UXS1: variants seen among roughly 807,000 people sequenced by gnomAD.
The protein encoded by UXS1 is UDP-glucuronic acid decarboxylase 1.
Under a neutral mutation model 62.6 loss-of-function variants are expected in UXS1, and 33 were observed. That is an observed-to-expected ratio of 0.53 (90% CI 0.40 to 0.70). The LOEUF (loss-of-function observed/expected upper bound fraction) is 0.70, where lower values mean the gene tolerates loss of function less well. Ranked by LOEUF, UXS1 falls within the 30% of genes least tolerant of loss-of-function variation. The pLI is 0.00. For missense variants in UXS1, 434 were observed against 556.3 expected, an observed-to-expected ratio of 0.78 and a Z score of 2.21; for synonymous variants, 213 against 206.8, an observed-to-expected ratio of 1.03 and a Z score of -0.26.
chr2:106,117,796 T>G (rs749536885), intron 9 of UXS1, among the ~76,000 whole-genome samples: 1 of 152,206 alleles, frequency 6.6e-6, no homozygotes, highest in Non-Finnish European at 1.5e-5. Flanking sequence ...GGGCCTGTCA[T>G]GCATACATCT....
chr2:106,138,360 G>A (rs1680831122), intron 6 of UXS1: 3 of 985,556 alleles, frequency 3.0e-6, no homozygotes, highest in Non-Finnish European at 3.6e-6. Context: ...CTCACTAGAC[G>A]ATGAGCTCAC....
intron 13 of UXS1, chr2:106,097,319 C>CCTCTCGGA (rs1233843045): frequency 1.9e-5 from 8 of 421,182 alleles, no homozygotes; most frequent in African/African-American, 1.6e-4. Context: ...TCTCGGAGGA[C>CCTCTCGGA]GGCAAAGGCT....
chr2:106,181,346 A>T (rs1684234727), intron 1 of UXS1, among the ~76,000 whole-genome samples: 1 of 152,168 alleles, frequency 6.6e-6, no homozygotes, highest in Non-Finnish European at 1.5e-5. Flanking sequence ...CTCCCTTCTC[A>T]GCAGGCTCCA....
chr2:106,103,307 T>C (rs994227225), intron 11 of UXS1, among the ~76,000 whole-genome samples: 1 of 152,234 alleles, frequency 6.6e-6, no homozygotes, highest in South Asian at 2.1e-4. Context: ...TGGTTTCCTT[T>C]TACCGCACAA....
chr2:106,100,193 C>T (rs1266114289), intron 12 of UXS1, among the ~76,000 whole-genome samples: 1 of 152,054 alleles, frequency 6.6e-6, no homozygotes, highest in Non-Finnish European at 1.5e-5. Flanking sequence ...AGAAGCAGAA[C>T]ATCTTGAATG....
intron 1 of UXS1, among the ~76,000 whole-genome samples, chr2:106,186,709 T>C (rs1684579938): frequency 1.3e-5 from 2 of 152,112 alleles, no homozygotes; most frequent in African/African-American, 2.4e-5. Flanking sequence ...TCCCAGCTAC[T>C]CAGGAGCCTG....
intron 7 of UXS1, among the ~76,000 whole-genome samples, chr2:106,126,462 A>C: frequency 6.6e-6 from 1 of 152,000 alleles, no homozygotes; most frequent in East Asian, 1.9e-4. Flanking sequence ...CTGCCCCCCC[A>C]CCAACAGCAG....
chr2:106,140,613 G>A (rs2104979236), intron 6 of UXS1, among the ~76,000 whole-genome samples: 1 of 139,964 alleles, frequency 7.1e-6, no homozygotes, highest in East Asian at 2.1e-4. Context: ...CAGGTAAAAG[G>A]CAGGTAATGG....
chr2:106,095,480 T>C (rs1676999510), intron 14 of UXS1, among the ~76,000 whole-genome samples: 1 of 152,212 alleles, frequency 6.6e-6, no homozygotes, highest in Non-Finnish European at 1.5e-5. Context: ...TATTCTAGGA[T>C]TCTACTCACT....
intron 5 of UXS1, among the ~76,000 whole-genome samples, chr2:106,153,657 T>C (rs1682208261): frequency 6.6e-6 from 1 of 151,914 alleles, no homozygotes; most frequent in African/African-American, 2.4e-5. Context: ...TTACAAGACA[T>C]GCAAAGAAAC....
rs1677110197 is a variant in UXS1 at position 106,096,401 on chromosome 2, GTGAGTA to G, written c.1146+311_1146+316del. ...ACAGTGTGAGTGTGTGGGAGACAGT[GTGAGTA>G]TATGTGTGTACAAGTGTTTGTATGG... On this transcript the variant is annotated intron_variant, in intron 14 of 14. Transcript: ENST00000283148. Among the ~76,000 whole-genome samples the G allele has an allele frequency of 2.0e-5, 3 of 152,206 alleles. No homozygotes were observed. In the South Asian group the frequency reaches 6.2e-4, roughly 32 times the overall value.
chr2:106,167,193 G>A (rs1274387945), intron 1 of UXS1, among the ~76,000 whole-genome samples: 7 of 152,212 alleles, frequency 4.6e-5, no homozygotes, highest in Non-Finnish European at 8.8e-5. Context: ...TTAAGTTACT[G>A]AGCAGGATTC....
intron 10 of UXS1, 97 bp downstream of exon 10, chr2:106,112,549 G>C: frequency 6.6e-7 from 1 of 1,513,742 alleles, no homozygotes; most frequent in Non-Finnish European, 8.9e-7. Flanking sequence ...CTTCAGAAGT[G>C]TCACTCCCTG....
chr2:106,175,676 G>C (rs887472196), intron 1 of UXS1, among the ~76,000 whole-genome samples: 1 of 152,178 alleles, frequency 6.6e-6, no homozygotes, highest in Non-Finnish European at 1.5e-5. Flanking sequence ...AGGCCAGACA[G>C]GTTGCCTGTG....
At chr2:106,103,300 T>C (rs1573399964) in intron 11 of UXS1, among the ~76,000 whole-genome samples, 1 of 152,212 alleles carries the variant, frequency 6.6e-6, no homozygotes, top group South Asian at 2.1e-4. Context: ...TCCTGACTGG[T>C]TTCCTTTTAC....
chr2:106,187,724 T>C (rs894040816), intron 1 of UXS1, among the ~76,000 whole-genome samples: 7 of 151,676 alleles, frequency 4.6e-5, no homozygotes, highest in African/African-American at 1.7e-4. Context: ...GATGTCACAA[T>C]GTCACAACTG....
intron 1 of UXS1, among the ~76,000 whole-genome samples, chr2:106,176,541 G>C (rs776007389): frequency 9.8e-5 from 15 of 152,310 alleles, no homozygotes; most frequent in Non-Finnish European, 1.8e-4. Context: ...TCAAAGGTCA[G>C]GCATCATGAT....
At chr2:106,167,195 G>A (rs1321534190) in intron 1 of UXS1, among the ~76,000 whole-genome samples, 1 of 152,190 alleles carries the variant, frequency 6.6e-6, no homozygotes, top group Non-Finnish European at 1.5e-5. Flanking sequence ...AAGTTACTGA[G>A]CAGGATTCTT....
intron 10 of UXS1, among the ~76,000 whole-genome samples, chr2:106,110,998 C>A (rs1467381340): frequency 1.3e-5 from 2 of 152,098 alleles, no homozygotes; most frequent in South Asian, 4.2e-4. Context: ...GCAAGGAAGC[C>A]CGGCCTGAGG....
Sources: allele counts gnomAD v4.1 joint callset (sites outside exome capture counted in the v4.1 genomes callset), GRCh38; gene constraint gnomAD v4.1.1; transcripts MANE v1.5; gene names NCBI Gene and HGNC (gene_info 2026-07-23, HGNC 2026-07-21).